Variants in CNTNAP2 observed in about 807,000 individuals in gnomAD.
CNTNAP2 encodes the protein contactin-associated protein-like 2.
Under a neutral mutation model 155.2 loss-of-function variants are expected in CNTNAP2, and 98 were observed. That is an observed-to-expected ratio of 0.63 (90% CI 0.54 to 0.75). The LOEUF is 0.75. CNTNAP2 is among the 30% of genes least tolerant of loss of function. The pLI, the probability that CNTNAP2 is intolerant of heterozygous loss-of-function variation, is 0.00. For synonymous variants in CNTNAP2, 651 were observed against 631.2 expected (o/e 1.03, Z -0.47); for missense variants, 1,727 against 1,688.1 (o/e 1.02, Z -0.40).
At chr7:146,934,082 T>C (rs1032154223) in intron 3 of CNTNAP2, among the ~76,000 whole-genome samples, 3,253 of 152,060 alleles carry the variant, frequency 0.021, 70 homozygotes, top group African/African-American at 0.056. Flanking sequence ...CCAGCCATCC[T>C]ATTACTGGGT....
At chr7:147,443,867 C>G (rs1220400955) in intron 10 of CNTNAP2, among the ~76,000 whole-genome samples, 1 of 152,204 alleles carries the variant, frequency 6.6e-6, no homozygotes, top group East Asian at 1.9e-4. Flanking sequence ...AGCAAAGCAA[C>G]TGGCTGTGAT....
chr7:146,166,852 G>A (rs550312704), intron 1 of CNTNAP2, among the ~76,000 whole-genome samples: 118 of 152,266 alleles, frequency 7.7e-4, no homozygotes, highest in African/African-American at 2.8e-3. Flanking sequence ...GCACCCAAGG[G>A]CTCTGAAGGC....
chr7:148,296,683 G>A (rs957410137), intron 21 of CNTNAP2, among the ~76,000 whole-genome samples: 11 of 151,870 alleles, frequency 7.2e-5, no homozygotes, highest in African/African-American at 2.4e-4. Context: ...CAGACACTAT[G>A]AGCACTGCAA....
At chr7:147,027,587 G>T (rs765715889) in intron 3 of CNTNAP2, among the ~76,000 whole-genome samples, 2 of 152,206 alleles carry the variant, frequency 1.3e-5, no homozygotes, top group African/African-American at 2.4e-5. Flanking sequence ...TATGTTTTAG[G>T]ATAAGTAATT....
intron 7 of CNTNAP2, among the ~76,000 whole-genome samples, chr7:147,131,291 A>G (rs1284992181): frequency 6.6e-6 from 1 of 151,522 alleles, no homozygotes; most frequent in Non-Finnish European, 1.5e-5. Flanking sequence ...TATATAGAGA[A>G]AAAGAGAGAC....
At chr7:148,084,775 A>C (rs1182554494) in intron 15 of CNTNAP2, among the ~76,000 whole-genome samples, 1 of 152,202 alleles carries the variant, frequency 6.6e-6, no homozygotes, top group African/African-American at 2.4e-5. Flanking sequence ...ATTATGATCA[A>C]AATAATCCAC....
intron 8 of CNTNAP2, among the ~76,000 whole-genome samples, chr7:147,236,014 C>G (rs1803796236): frequency 6.6e-6 from 1 of 152,196 alleles, no homozygotes; most frequent in South Asian, 2.1e-4. Flanking sequence ...ATTTGACTCT[C>G]TTTTCCAACT....
At chr7:147,478,649 G>T (rs1161089812) in intron 10 of CNTNAP2, among the ~76,000 whole-genome samples, 1 of 152,082 alleles carries the variant, frequency 6.6e-6, no homozygotes. Flanking sequence ...AGAAGATTGG[G>T]AAGGACAAAA....
At chr7:146,860,549 A>T (rs1020533825) in intron 3 of CNTNAP2, among the ~76,000 whole-genome samples, 1 of 152,182 alleles carries the variant, frequency 6.6e-6, no homozygotes, top group Admixed American at 6.5e-5. Flanking sequence ...CACAAACTAG[A>T]TAGGGACATA....
At chr7:146,606,343 A>C (rs1050555462) in intron 1 of CNTNAP2, among the ~76,000 whole-genome samples, 4 of 152,198 alleles carry the variant, frequency 2.6e-5, no homozygotes, top group Non-Finnish European at 4.4e-5. Flanking sequence ...AGACATTTTC[A>C]TGTAGATTAT....
chr7:146,990,328 C>T (rs1356842262), intron 3 of CNTNAP2, among the ~76,000 whole-genome samples: 1 of 152,038 alleles, frequency 6.6e-6, no homozygotes, highest in Admixed American at 6.6e-5. Flanking sequence ...AAAACTTGGC[C>T]CTACTGACTT....
intron 15 of CNTNAP2, among the ~76,000 whole-genome samples, chr7:148,080,030 AG>A (rs1252729547): frequency 1.3e-5 from 2 of 152,204 alleles, no homozygotes; most frequent in African/African-American, 2.4e-5. Context: ...GCTAATGTGC[AG>A]TTCACCAAGT....
At chr7:148,072,180 A>T (rs565391090) in intron 15 of CNTNAP2, among the ~76,000 whole-genome samples, 15 of 152,212 alleles carry the variant, frequency 9.9e-5, no homozygotes, top group Non-Finnish European at 1.6e-4. Flanking sequence ...AGAAAATAAT[A>T]AACACTCTAA....
At chr7:148,339,539 G>T (rs931937155) in intron 21 of CNTNAP2, 6 of 152,150 alleles carry the variant, frequency 3.9e-5, no homozygotes, top group African/African-American at 1.4e-4. Flanking sequence ...GACAAAGGAC[G>T]GTCCTCGGGG....
chr7:147,122,635 A>C (rs1442011912), intron 6 of CNTNAP2: 1 of 152,212 alleles, frequency 6.6e-6, no homozygotes, highest in East Asian at 1.9e-4. Context: ...ACCAAATCCA[A>C]AATTCACAAA....
rs117174834 is a variant in CNTNAP2, at chr7:148,359,526, T to C, written c.3476-24123T>C. 7.1e-3 allele frequency among the ~76,000 whole-genome samples: 1,082 copies of C among 152,332 alleles called. 5 individuals are homozygous for C. The highest frequency in any genetic ancestry group is 0.012 in the Non-Finnish European group (810 of 68,022). On this transcript the variant is annotated intron_variant, in intron 21 of 23. Transcript: ENST00000361727. ...TGTGTGCCTTTAGCCTATGGGTCAT[T>C]GTCAGAATTTAGAAATTCAAGGTGC...
At chr7:148,260,889 A>T (rs79078040) in intron 20 of CNTNAP2, among the ~76,000 whole-genome samples, 2,157 of 152,362 alleles carry the variant, frequency 0.014, 48 homozygotes, top group African/African-American at 0.048. Flanking sequence ...AGCCAGGCCT[A>T]AGTGCTTATG....
chr7:146,440,482 A>G (rs1796305624), intron 1 of CNTNAP2, among the ~76,000 whole-genome samples: 1 of 151,572 alleles, frequency 6.6e-6, no homozygotes, highest in Non-Finnish European at 1.5e-5. Flanking sequence ...TGAAATAGCA[A>G]TATAGCCTGA....
intron 8 of CNTNAP2, among the ~76,000 whole-genome samples, chr7:147,153,801 G>T (rs1355788572): frequency 2.0e-5 from 3 of 152,110 alleles, no homozygotes; most frequent in Non-Finnish European, 2.9e-5. Context: ...CATTGTAAAA[G>T]GTCATTCTGA....
Sources: allele counts gnomAD v4.1 joint callset (sites outside exome capture counted in the v4.1 genomes callset), GRCh38; gene constraint gnomAD v4.1.1; transcripts MANE v1.5; gene names NCBI Gene and HGNC (gene_info 2026-07-23, HGNC 2026-07-21).